The following MGAT5 variants were observed in gnomAD, a reference collection of about 807,000 sequenced individuals.
MGAT5 encodes alpha-1,6-mannosylglycoprotein 6-beta-N-acetylglucosaminyltransferase.
MGAT5 carries 30 observed loss-of-function variants against 94.3 expected under a neutral mutation model. The observed-to-expected ratio is 0.32, with a 90% confidence interval of 0.24 to 0.43. The LOEUF (loss-of-function observed/expected upper bound fraction) is 0.43. Among genes scored for constraint, MGAT5 ranks in the 20% least tolerant of loss-of-function variants. The probability of loss-of-function intolerance (pLI) is 1.00; values close to 1 mark genes in which losing one functional copy is unlikely to be tolerated. For synonymous variants in MGAT5, 310 were observed against 322.9 expected, an observed-to-expected ratio of 0.96 and a Z score of 0.43; for missense variants, 691 against 905.5, an observed-to-expected ratio of 0.76 and a Z score of 3.04.
intron 2 of MGAT5, among the ~76,000 whole-genome samples, chr2:134,310,995 T>C (rs901983720): frequency 6.6e-6 from 1 of 152,224 alleles, no homozygotes. Context: ...TGGCCACATG[T>C]TCATATCAGG....
chr2:134,372,122 G>A (rs1680845863), intron 10 of MGAT5, among the ~76,000 whole-genome samples: 2 of 152,082 alleles, frequency 1.3e-5, no homozygotes, highest in Admixed American at 1.3e-4. Context: ...GCTACACTAG[G>A]TAGCCACCCA....
chr2:134,256,593 G>C (rs1682976083), intron 1 of MGAT5, among the ~76,000 whole-genome samples: 1 of 152,086 alleles, frequency 6.6e-6, no homozygotes, highest in African/African-American at 2.4e-5. Flanking sequence ...ACAATAATTT[G>C]GTCTTAGCTT....
chr2:134,412,726 C>A, intron 11 of MGAT5, 143 bp from the exon 12 acceptor site: 3 of 992,798 alleles, frequency 3.0e-6, no homozygotes, highest in Non-Finnish European at 4.5e-6. Context: ...TCTGCCCCAC[C>A]CCCCAGGGCC....
rs772791020 is a variant in MGAT5, at chr2:134,448,658, G to A, written c.2037G>A (p.Val679=). ...TTCTCTTCCTCTTCAGGTACAAGGT[G>A]ACCTGCCAAAGCTCAGAGCTGGCCA... The part of the protein sequence containing the change: ...NKDKDMLKYK[V]TCQSSELAKD... Residue 679 remains valine (V), a synonymous_variant, in exon 16 of 16, where the codon GTG becomes GTA. Transcript: ENST00000281923. 1.1e-5 allele frequency: 18 copies of A among 1,614,074 alleles called. No individual in the cohort carries two copies. Among genetic ancestry groups the A allele is most frequent in the Non-Finnish European group, 1.5e-5 (18 of 1,180,032 alleles).
At chr2:134,174,681 TA>T (rs1335536759) in intron 1 of MGAT5, among the ~76,000 whole-genome samples, 4 of 152,234 alleles carry the variant, frequency 2.6e-5, no homozygotes, top group Non-Finnish European at 4.4e-5. Flanking sequence ...CATGATAAAA[TA>T]AAGCACCTTC....
chr2:134,310,087 T>G (rs1376480772), intron 2 of MGAT5, among the ~76,000 whole-genome samples: 1 of 152,216 alleles, frequency 6.6e-6, no homozygotes, highest in African/African-American at 2.4e-5. Context: ...TTTGATTTTC[T>G]TGTTGAGTTC....
intron 10 of MGAT5, among the ~76,000 whole-genome samples, chr2:134,383,218 C>T (rs930564207): frequency 6.6e-6 from 1 of 152,188 alleles, no homozygotes; most frequent in Non-Finnish European, 1.5e-5. Flanking sequence ...TTTACTTTGC[C>T]TGCATCAGAG....
intron 10 of MGAT5, among the ~76,000 whole-genome samples, chr2:134,388,427 T>C (rs1682166999): frequency 6.6e-6 from 1 of 150,504 alleles, no homozygotes; most frequent in Non-Finnish European, 1.5e-5. Context: ...CTCTAAGATA[T>C]GAAGATCTTT....
intron 1 of MGAT5, among the ~76,000 whole-genome samples, chr2:134,202,741 C>A (rs1042807019): frequency 1.3e-5 from 2 of 152,202 alleles, no homozygotes; most frequent in African/African-American, 4.8e-5. Flanking sequence ...TAATCCTATA[C>A]GGCCAATTGT....
chr2:134,177,144 C>CGTATGTGTGTGTGTGTGTGTGTGT (rs1688503659), intron 1 of MGAT5, among the ~76,000 whole-genome samples: 1 of 142,530 alleles, frequency 7.0e-6, no homozygotes, highest in African/African-American at 2.8e-5. Flanking sequence ...CAAATGAACC[C>CGTATGTGTGTGTGTGTGTGTGTGT]GTGTGTGTGT....
intron 13 of MGAT5, among the ~76,000 whole-genome samples, chr2:134,424,489 A>C (rs905949516): frequency 1.3e-5 from 2 of 152,182 alleles, no homozygotes. Flanking sequence ...CGAGCTGATA[A>C]AAGAAGTGCC....
intron 4 of MGAT5, among the ~76,000 whole-genome samples, chr2:134,326,052 C>CTTTT (rs1553446977): frequency 1.5e-5 from 2 of 135,888 alleles, no homozygotes; most frequent in African/African-American, 5.4e-5. Context: ...CTCTCTCTCT[C>CTTTT]TTTTTTTTTT....
intron 1 of MGAT5, among the ~76,000 whole-genome samples, chr2:134,150,842 A>G (rs1478437946): frequency 6.6e-6 from 1 of 152,226 alleles, no homozygotes; most frequent in African/African-American, 2.4e-5. Context: ...TGGCCTGGTA[A>G]TGAATATATG....
intron 10 of MGAT5, among the ~76,000 whole-genome samples, chr2:134,387,332 A>ATATATATATATATATATTT: frequency 1.2e-4 from 3 of 24,260 alleles, no homozygotes; most frequent in East Asian, 2.7e-3. Context: ...ATATATATAT[A>ATATATATATATATATATTT]TTTTTTTTTT....
intron 10 of MGAT5, among the ~76,000 whole-genome samples, chr2:134,400,532 C>A (rs761204080): frequency 6.6e-6 from 1 of 152,068 alleles, no homozygotes; most frequent in Non-Finnish European, 1.5e-5. Context: ...TTCAAGAAAC[C>A]CCAGCCTTTT....
In MGAT5 at chr2:134,406,943, G is replaced by A. The variant is rs149146434; in HGVS notation, c.1530+3806G>A. The stretch of plus-strand genomic sequence containing the variant: ...GCTTGAGGCAGCAGACTCTCCTGCA[G>A]CTGCATGAGGGCAGAGGGCCTTTGC... On this transcript the variant is annotated intron_variant, in intron 11 of 15. Coordinates refer to ENST00000281923, the MANE Select transcript of MGAT5 (RefSeq NM_002410.5). Among the ~76,000 whole-genome samples the A allele has an allele frequency of 3.5e-3, 534 of 152,298 alleles. 5 individuals carry two copies. The highest frequency in any genetic ancestry group is 0.012 in the African/African-American group (501 of 41,564).
intron 1 of MGAT5, among the ~76,000 whole-genome samples, chr2:134,124,781 G>A (rs1187961705): frequency 1.3e-5 from 2 of 152,168 alleles, no homozygotes; most frequent in Admixed American, 1.3e-4. Flanking sequence ...TAAAATGTCA[G>A]CACTTCAAGG....
upstream of MGAT5, among the ~76,000 whole-genome samples, chr2:134,250,886 C>A (rs1309614560): frequency 3.3e-5 from 5 of 152,270 alleles, no homozygotes; most frequent in East Asian, 9.7e-4. Flanking sequence ...ATGTGTCTGA[C>A]CTTCTCCAAG....
intron 11 of MGAT5, among the ~76,000 whole-genome samples, chr2:134,410,258 G>C (rs1407569477): frequency 6.6e-6 from 1 of 152,202 alleles, no homozygotes; most frequent in Non-Finnish European, 1.5e-5. Flanking sequence ...CTCTCCGCCT[G>C]TTGTGTTTTC....
Sources: gnomAD v4.1 joint callset for allele counts (sites outside exome capture counted in the v4.1 genomes callset) on GRCh38, gnomAD v4.1.1 for gene constraint, MANE v1.5 for transcripts, NCBI Gene and HGNC (gene_info 2026-07-23, HGNC 2026-07-21) for gene names.